The following BATF variants were observed in gnomAD, a reference collection of about 807,000 sequenced individuals.
BATF encodes basic leucine zipper transcriptional factor ATF-like.
Under a neutral mutation model 13.7 loss-of-function variants are expected in BATF, and 5 were observed. The ratio of observed to expected loss-of-function variants is 0.36; its 90% CI spans 0.19 to 0.77. The LOEUF (loss-of-function observed/expected upper bound fraction) is 0.77. Among genes scored for constraint, BATF ranks in the 30% least tolerant of loss-of-function variants. The pLI is 0.51. For missense variants in BATF, 124 were observed against 163.0 expected (o/e 0.76, Z 1.30); for synonymous variants, 72 against 67.5 (o/e 1.07, Z -0.33).
chr14:75,526,637 T>C (rs1887658584), intron 2 of BATF, among the ~76,000 whole-genome samples: 1 of 152,234 alleles, frequency 6.6e-6, no homozygotes, highest in South Asian at 2.1e-4. Flanking sequence ...ACACTAACAT[T>C]AAATTCACAG....
intron 1 of BATF, 61 bp from the exon 2 acceptor site, chr14:75,525,023 C>A: frequency 1.4e-6 from 2 of 1,404,888 alleles, no homozygotes; most frequent in Non-Finnish European, 9.9e-7. Context: ...ACCACCAGAG[C>A]CTGCTTTCAC....
In BATF at chr14:75,546,979, T is replaced by A. The variant is rs1887999986; in HGVS notation, c.*308T>A. The A allele has an allele frequency of 2.8e-6, 2 of 702,418 alleles. No homozygotes were observed. The highest frequency in any genetic ancestry group is 3.5e-5 in the African/African-American group (2 of 57,252). 43.5% of individuals were successfully genotyped at this position (702,418 alleles called of 1,614,324 possible). A position where few individuals can be genotyped will look rare whatever the true frequency, so the allele number is the denominator to read the frequency against. ...GGGAACGGTTATTTTTCTAAATAAATGCTTTAAAAGAAACCAGTCTGACAA... is the reference window on the plus strand; with the variant it reads ...GGGAACGGTTATTTTTCTAAATAAAAGCTTTAAAAGAAACCAGTCTGACAA... On this transcript the variant is annotated 3_prime_UTR_variant, in exon 3 of 3. Coordinates refer to ENST00000286639, the MANE Select transcript of BATF (RefSeq NM_006399.5).
At chr14:75,529,836 G>A (rs56293152) in intron 2 of BATF, among the ~76,000 whole-genome samples, 4,064 of 152,222 alleles carry the variant, frequency 0.027, 156 homozygotes, top group African/African-American at 0.093. Context: ...AGGCCGAGGC[G>A]GGCGGATCAC....
At chr14:75,527,491 CT>C (rs1325861270) in intron 2 of BATF, among the ~76,000 whole-genome samples, 1 of 152,192 alleles carries the variant, frequency 6.6e-6, no homozygotes, top group Non-Finnish European at 1.5e-5. Flanking sequence ...AGCTGCACCC[CT>C]GTCTCCCTGT....
chr14:75,541,961 G>A (rs544426681), intron 2 of BATF, among the ~76,000 whole-genome samples: 1 of 152,050 alleles, frequency 6.6e-6, no homozygotes, highest in East Asian at 1.9e-4. Flanking sequence ...ACAGCACCTG[G>A]CCAACTTTCT....
At chr14:75,525,500 T>TA (rs1236855639) in intron 2 of BATF, among the ~76,000 whole-genome samples, 7 of 151,598 alleles carry the variant, frequency 4.6e-5, no homozygotes, top group Non-Finnish European at 8.8e-5. Context: ...TCGTCTCTAC[T>TA]AAAAATACAA....
At chr14:75,543,039 G>A (rs1275534468) in intron 2 of BATF, among the ~76,000 whole-genome samples, 1 of 152,230 alleles carries the variant, frequency 6.6e-6, no homozygotes, top group Non-Finnish European at 1.5e-5. Context: ...GTTGTCACCA[G>A]TGGAAACTCT....
At chr14:75,542,619 C>T (rs1477096292) in intron 2 of BATF, among the ~76,000 whole-genome samples, 1 of 152,232 alleles carries the variant, frequency 6.6e-6, no homozygotes, top group Non-Finnish European at 1.5e-5. Context: ...GGACGAGGCC[C>T]CAGATCAGCC....
At chr14:75,531,427 T>C (rs1417462718) in intron 2 of BATF, among the ~76,000 whole-genome samples, 1 of 152,176 alleles carries the variant, frequency 6.6e-6, no homozygotes, top group Non-Finnish European at 1.5e-5. Flanking sequence ...CAGTGGCAAA[T>C]AGCAGTGTTA....
At chr14:75,538,436 A>G (rs1887847449) in intron 2 of BATF, among the ~76,000 whole-genome samples, 2 of 152,200 alleles carry the variant, frequency 1.3e-5, no homozygotes, top group Non-Finnish European at 2.9e-5. Context: ...GGCAGTGTGC[A>G]CAGCCAGGGT....
chr14:75,536,051 C>G (rs892214805), intron 2 of BATF, among the ~76,000 whole-genome samples: 3 of 152,184 alleles, frequency 2.0e-5, no homozygotes, highest in Non-Finnish European at 4.4e-5. Context: ...TCGTTCTAGG[C>G]ACTGAGAATA....
At chr14:75,535,247 TATAAAAATAAAA>T (rs1189178125) in intron 2 of BATF, among the ~76,000 whole-genome samples, 1 of 151,954 alleles carries the variant, frequency 6.6e-6, no homozygotes, top group Non-Finnish European at 1.5e-5. Context: ...CTCTACAAAA[TATAAAAATAAAA>T]ATAAAAATAA....
At chr14:75,528,592 C>T (rs1443347551) in intron 2 of BATF, among the ~76,000 whole-genome samples, 1 of 152,176 alleles carries the variant, frequency 6.6e-6, no homozygotes, top group Non-Finnish European at 1.5e-5. Context: ...TTTAATTCTC[C>T]TTTTGTTGAG....
intron 2 of BATF, among the ~76,000 whole-genome samples, chr14:75,528,750 G>A (rs1030719056): frequency 6.6e-6 from 1 of 150,604 alleles, no homozygotes; most frequent in African/African-American, 2.5e-5. Flanking sequence ...GCTAATAAGT[G>A]GACCTAAGAT....
At chr14:75,538,484 C>A (rs1296747722) in intron 2 of BATF, among the ~76,000 whole-genome samples, 3 of 152,176 alleles carry the variant, frequency 2.0e-5, no homozygotes, top group African/African-American at 7.2e-5. Context: ...CCTATCAGGT[C>A]TGTACCTGAA....
intron 2 of BATF, among the ~76,000 whole-genome samples, chr14:75,532,441 A>G (rs1044995645): frequency 6.6e-6 from 1 of 152,218 alleles, no homozygotes; most frequent in African/African-American, 2.4e-5. Context: ...ATATCAACAT[A>G]TATAGATAGG....
intron 2 of BATF, among the ~76,000 whole-genome samples, chr14:75,531,534 G>A (rs576553153): frequency 6.6e-6 from 1 of 152,298 alleles, no homozygotes; most frequent in South Asian, 2.1e-4. Context: ...TGAGATTTAG[G>A]TACTGTCTTA....
chr14:75,546,704 G>T lies in BATF; in HGVS notation c.*33G>T. 17 of 1,526,798 alleles carry T rather than the reference G, an allele frequency of 1.1e-5. No individual in the cohort carries two copies. The highest frequency in any genetic ancestry group is 1.5e-5 in the Non-Finnish European group (17 of 1,136,396). 94.6% of individuals were successfully genotyped at this position (1,526,798 alleles called of 1,614,324 possible). On this transcript the variant is annotated 3_prime_UTR_variant, in exon 3 of 3. Coordinates refer to ENST00000286639, the MANE Select transcript of BATF (RefSeq NM_006399.5). ...ATGCGGGGAGAGCAGAGCCTCGGGA[G>T]GGGCACACAGACTGTGGCAGAGCTG...
At chr14:75,529,785 G>A (rs1271241817) in intron 2 of BATF, among the ~76,000 whole-genome samples, 1 of 152,158 alleles carries the variant, frequency 6.6e-6, no homozygotes, top group African/African-American at 2.4e-5. Flanking sequence ...TGAACAATGG[G>A]CCGGGCGCGG....
Sources: gnomAD v4.1 joint callset for allele counts (sites outside exome capture counted in the v4.1 genomes callset) on GRCh38, gnomAD v4.1.1 for gene constraint, MANE v1.5 for transcripts, NCBI Gene and HGNC (gene_info 2026-07-23, HGNC 2026-07-21) for gene names.